Variants in TLK1 observed in about 807,000 individuals in gnomAD.
TLK1 encodes tousled like kinase 1.
A neutral mutation model predicts 105.3 loss-of-function variants in TLK1; 24 were observed. The ratio of observed to expected loss-of-function variants is 0.23; its 90% CI spans 0.17 to 0.32. The LOEUF (loss-of-function observed/expected upper bound fraction) is 0.32, where lower values mean the gene tolerates loss of function less well. TLK1 is among the 10% of genes least tolerant of loss of function. TLK1 has a pLI of 1.00. For synonymous variants in TLK1, 321 were observed against 310.4 expected, an observed-to-expected ratio of 1.03 and a Z score of -0.36; for missense variants, 558 against 910.5, an observed-to-expected ratio of 0.61 and a Z score of 4.98.
At chr2:171,151,829 CAG>C (rs1246924310) in intron 1 of TLK1, among the ~76,000 whole-genome samples, 1 of 151,930 alleles carries the variant, frequency 6.6e-6, no homozygotes, top group Non-Finnish European at 1.5e-5. Context: ...AAATAAGTAA[CAG>C]AGTAGTATAC....
intron 5 of TLK1, 113 bp from the exon 6 acceptor site, chr2:171,056,679 A>T: frequency 1.3e-6 from 1 of 754,944 alleles, no homozygotes; most frequent in South Asian, 2.0e-5. Context: ...ATAAGTAGTC[A>T]TTTAAATGGG....
Position 171,050,147 on chromosome 2 carries a change from C to G in TLK1, c.760G>C (p.Asp254His). 1 of 1,596,772 alleles carries G rather than the reference C, an allele frequency of 6.3e-7. No individual in the cohort carries two copies. The highest frequency in any genetic ancestry group is 8.6e-7 in the Non-Finnish European group (1 of 1,169,392). ...TTTTCAAGTAATTTTTGTTGTTCATCTATTTGCCGTCTGAGATCACAGTTA... is the reference window on the plus strand; with the variant it reads ...TTTTCAAGTAATTTTTGTTGTTCATGTATTTGCCGTCTGAGATCACAGTTA... ...RANCDLRRQI[D>H]EQQKLLEKYK... Residue 254 changes from aspartate to histidine, a missense_variant, in exon 9 of 21, where the codon GAT (aspartate) becomes CAT (histidine). Asp to His is a moderately conservative substitution (Grantham distance 81). Transcript: ENST00000431350.
At chr2:171,121,001 A>T (rs889436150) in intron 1 of TLK1, among the ~76,000 whole-genome samples, 3 of 152,174 alleles carry the variant, frequency 2.0e-5, no homozygotes, top group African/African-American at 7.2e-5. Flanking sequence ...TACAACACGG[A>T]GATCTCCGAA....
chr2:171,213,891 T>A lies in TLK1; in HGVS notation c.-6+17254A>T, dbSNP rs13000642. Reference sequence around the variant, plus strand: ...GCACATGCCACCATGCCCAGCAATTTAAAAAAAATTTTTTTTTTAGAGAAG... The same window carrying A: ...GCACATGCCACCATGCCCAGCAATTAAAAAAAAATTTTTTTTTTAGAGAAG... On this transcript the variant is annotated intron_variant, in intron 1 of 20. Coordinates refer to the TLK1 transcript ENST00000521943. Among the ~76,000 whole-genome samples, 157 of 149,612 alleles carry A rather than the reference T, an allele frequency of 1.0e-3. 2 individuals are homozygous for A. The highest frequency in any genetic ancestry group is 1.5e-3 in the Non-Finnish European group (100 of 67,150).
At chr2:171,013,877 A>C (rs976759145) in intron 13 of TLK1, among the ~76,000 whole-genome samples, 1 of 152,236 alleles carries the variant, frequency 6.6e-6, no homozygotes, top group African/African-American at 2.4e-5. Context: ...AAATCCAAGT[A>C]GTACCTTGCT....
intron 18 of TLK1, 107 bp from the exon 19 acceptor site, chr2:170,997,930 A>G (rs1684141610): frequency 3.4e-6 from 2 of 580,278 alleles, no homozygotes; most frequent in Non-Finnish European, 6.0e-6. Flanking sequence ...TATAAACTCT[A>G]GGACTCCCAT....
chr2:171,155,213 C>T lies in TLK1; in HGVS notation c.139+5077G>A, dbSNP rs188585366. ...CACGTAAACAATTACAAATAAAAGA[C>T]TATATAAACTATGCTCATAATTTCT... On this transcript the variant is annotated intron_variant, in intron 1 of 20. Transcript: ENST00000431350. Among the ~76,000 whole-genome samples the T allele has an allele frequency of 5.9e-5, 9 of 152,246 alleles. No individual in the cohort carries two copies. The East Asian group carries it at 1.7e-3, about 29-fold the overall frequency.
chr2:171,218,384 C>T (rs1263987722), intron 1 of TLK1, among the ~76,000 whole-genome samples: 2 of 152,106 alleles, frequency 1.3e-5, no homozygotes, highest in African/African-American at 2.4e-5. Flanking sequence ...AATAGAATGT[C>T]GTTTAATGGG....
At chr2:171,061,991 T>C (rs1687773856) in intron 3 of TLK1, among the ~76,000 whole-genome samples, 1 of 152,202 alleles carries the variant, frequency 6.6e-6, no homozygotes, top group South Asian at 2.1e-4. Context: ...CGCAAGCATC[T>C]GGCTTTTTAC....
At chr2:170,998,085 T>C (rs201636616) in intron 18 of TLK1, among the ~76,000 whole-genome samples, 3 of 109,140 alleles carry the variant, frequency 2.7e-5, no homozygotes, top group African/African-American at 1.2e-4. Flanking sequence ...TATCTATCTA[T>C]CTATCTACCT....
chr2:171,050,236 G>C (rs929990956), intron 8 of TLK1, 62 bp from the exon 9 acceptor site: 44 of 1,143,888 alleles, frequency 3.8e-5, no homozygotes, highest in Non-Finnish European at 4.8e-5. Flanking sequence ...CTTAGAAATA[G>C]TTTTAATGTT....
Position 171,001,836 on chromosome 2 carries a change from C to T in TLK1, c.1905-4013G>A, listed in dbSNP as rs145887075. ...TCTTGCTGTTGCCCAGGCTGGAGTG[C>T]AGTGGTGTGATCTCGCTCACTGCAA... On this transcript the variant is annotated intron_variant, in intron 18 of 20. Transcript: ENST00000431350. 8.9e-3 allele frequency among the ~76,000 whole-genome samples: 1,355 copies of T among 152,218 alleles called. 28 individuals are homozygous for T. The highest frequency in any genetic ancestry group is 0.031 in the African/African-American group (1,277 of 41,530).
At chr2:171,216,632 G>A (rs10174587) in intron 1 of TLK1, among the ~76,000 whole-genome samples, 4,080 of 152,158 alleles carry the variant, frequency 0.027, 197 homozygotes, top group East Asian at 0.17. Flanking sequence ...TGTTGGAGTC[G>A]TAACCCCTAG....
intron 2 of TLK1, among the ~76,000 whole-genome samples, chr2:171,087,835 G>C (rs766164871): frequency 3.9e-5 from 6 of 152,230 alleles, no homozygotes; most frequent in Non-Finnish European, 8.8e-5. Context: ...TCTGTACTAA[G>C]ATGCATAAGG....
chr2:171,075,138 T>C (rs895214328), intron 3 of TLK1, among the ~76,000 whole-genome samples: 10 of 152,020 alleles, frequency 6.6e-5, no homozygotes, highest in East Asian at 3.9e-4. Flanking sequence ...AATAGAATCA[T>C]AGCTAAGCAC....
chr2:171,109,098 CAGTT>C (rs1690054529), intron 2 of TLK1, among the ~76,000 whole-genome samples: 1 of 152,082 alleles, frequency 6.6e-6, no homozygotes, highest in Non-Finnish European at 1.5e-5. Context: ...CATAAATCAT[CAGTT>C]AAATATTTTA....
intron 18 of TLK1, among the ~76,000 whole-genome samples, chr2:171,002,614 C>T (rs1396420259): frequency 5.3e-5 from 8 of 151,708 alleles, no homozygotes; most frequent in African/African-American, 9.7e-5. Context: ...GGGTATCATG[C>T]GCCCAGAAAG....
chr2:171,004,001 C>G (rs958166038), intron 18 of TLK1, among the ~76,000 whole-genome samples: 2 of 151,964 alleles, frequency 1.3e-5, no homozygotes, highest in Non-Finnish European at 2.9e-5. Context: ...GTCGCCCAGG[C>G]AGGAGTGCAG....
rs749004588 is a variant in TLK1, at chr2:171,060,022, T to A, written c.406+1059A>T. On this transcript the variant is annotated intron_variant, in intron 4 of 20. Transcript: ENST00000431350. ...TGAGAGGAGAGGTCTGCTTTGGACT[T>A]GAAGTCAAGTTTACTCCAAAGGAAG... 5.6e-6 allele frequency: 9 copies of A among 1,610,656 alleles called. No homozygotes were observed. In the South Asian group the frequency reaches 8.8e-5, roughly 16 times the overall value.
Sources: gnomAD v4.1 joint callset for allele counts (sites outside exome capture counted in the v4.1 genomes callset) on GRCh38, gnomAD v4.1.1 for gene constraint, MANE v1.5 for transcripts, NCBI Gene and HGNC (gene_info 2026-07-23, HGNC 2026-07-21) for gene names.